Variants in CLEC16A observed in about 807,000 individuals in gnomAD.
The protein encoded by CLEC16A is protein CLEC16A.
In CLEC16A, 51 loss-of-function variants were observed where a neutral mutation model predicts 109.5. The ratio of observed to expected loss-of-function variants is 0.47; its 90% CI spans 0.37 to 0.59. The LOEUF is 0.59. Ranked by LOEUF, CLEC16A falls within the 20% of genes least tolerant of loss-of-function variation. The pLI is 0.00. For missense variants in CLEC16A, 1,339 were observed against 1,394.0 expected (o/e 0.96, Z 0.63); for synonymous variants, 673 against 564.2 (o/e 1.19, Z -2.73).
At chr16:11,173,902 A>G (rs1029454834) in intron 23 of CLEC16A, among the ~76,000 whole-genome samples, 7 of 152,182 alleles carry the variant, frequency 4.6e-5, no homozygotes, top group Admixed American at 3.3e-4. Context: ...GTTAAGTTGC[A>G]CGAGTGAACA....
At chr16:11,106,460 T>TA (rs2051228118) in intron 19 of CLEC16A, among the ~76,000 whole-genome samples, 1 of 150,514 alleles carries the variant, frequency 6.6e-6, no homozygotes, top group African/African-American at 2.5e-5. Flanking sequence ...AGCCCAATTT[T>TA]TTTTTTTTTT....
At chr16:11,113,188 T>C (rs1300843807) in intron 19 of CLEC16A, among the ~76,000 whole-genome samples, 4 of 152,220 alleles carry the variant, frequency 2.6e-5, no homozygotes, top group Non-Finnish European at 4.4e-5. Flanking sequence ...AGTGATTGTC[T>C]ATCATCTGCA....
At position 10,944,592 on chromosome 16, in the gene CLEC16A, G is replaced by A; in HGVS notation, c.-126G>A. On this transcript the variant is annotated 5_prime_UTR_variant, in exon 1 of 24. Transcript: ENST00000409790. ...GCTGGGCTGTGGGCCGGGGAGGAAG[G>A]CGGCTCGCGGTTCCTCCACCGCCTC... 1.1e-6 allele frequency: 1 copy of A among 900,410 alleles called. No individual in the cohort carries two copies. The highest frequency in any genetic ancestry group is 1.7e-6 in the Non-Finnish European group (1 of 593,224). 55.8% of individuals were successfully genotyped at this position (900,410 alleles called of 1,614,324 possible). A position where few individuals can be genotyped will look rare whatever the true frequency, so the allele number is the denominator to read the frequency against.
chr16:10,970,654 T>G (rs920197506), intron 4 of CLEC16A, among the ~76,000 whole-genome samples: 6 of 152,354 alleles, frequency 3.9e-5, no homozygotes, highest in African/African-American at 1.4e-4. Flanking sequence ...TCCCCCCTCC[T>G]TGGCCTCCCA....
At chr16:11,172,814 G>A (rs1192733787) in intron 23 of CLEC16A, among the ~76,000 whole-genome samples, 4 of 152,106 alleles carry the variant, frequency 2.6e-5, no homozygotes, top group African/African-American at 9.7e-5. Context: ...GCTTGAACCC[G>A]GGAGGCAGAG....
At chr16:11,022,690 G>A (rs1462949403) in intron 12 of CLEC16A, among the ~76,000 whole-genome samples, 1 of 152,038 alleles carries the variant, frequency 6.6e-6, no homozygotes, top group Non-Finnish European at 1.5e-5. Context: ...ATGAGGTCAG[G>A]AGATCGAGAC....
chr16:11,051,410 A>T, intron 17 of CLEC16A, 103 bp from the exon 18 acceptor site: 1 of 1,176,116 alleles, frequency 8.5e-7, no homozygotes, highest in Non-Finnish European at 1.2e-6. Context: ...ATTTACATTT[A>T]CTAAATGCGG....
At chr16:11,091,166 C>T (rs1451903165) in intron 19 of CLEC16A, among the ~76,000 whole-genome samples, 1 of 152,224 alleles carries the variant, frequency 6.6e-6, no homozygotes, top group Non-Finnish European at 1.5e-5. Context: ...AGTTTTCCCT[C>T]CTGTGTTTAT....
chr16:11,024,553 C>A, intron 12 of CLEC16A: 1 of 372,296 alleles, frequency 2.7e-6, no homozygotes, highest in Non-Finnish European at 5.1e-6. Flanking sequence ...TAATTGATTC[C>A]CTGTGTCTGG....
chr16:10,952,851 T>C (rs1307691534), intron 1 of CLEC16A, among the ~76,000 whole-genome samples: 2 of 152,240 alleles, frequency 1.3e-5, no homozygotes, highest in African/African-American at 4.8e-5. Flanking sequence ...AAATGTCGAC[T>C]ACCTAGCAGC....
intron 10 of CLEC16A, among the ~76,000 whole-genome samples, chr16:10,989,080 T>G (rs2043840422): frequency 6.6e-6 from 1 of 152,182 alleles, no homozygotes; most frequent in Non-Finnish European, 1.5e-5. Flanking sequence ...ACAGTGATGA[T>G]GAAACACCAA....
At chr16:11,104,579 A>G (rs975434650) in intron 19 of CLEC16A, among the ~76,000 whole-genome samples, 2 of 152,162 alleles carry the variant, frequency 1.3e-5, no homozygotes, top group Non-Finnish European at 2.9e-5. Context: ...AATCCAAGGG[A>G]AAGAGAAGAT....
At chr16:11,012,296 A>G (rs1444010632) in intron 11 of CLEC16A, among the ~76,000 whole-genome samples, 1 of 152,174 alleles carries the variant, frequency 6.6e-6, no homozygotes, top group Admixed American at 6.5e-5. Context: ...CTGTACATAC[A>G]CTTAAGAAAG....
chr16:11,056,439 G>A (rs1283553611), intron 18 of CLEC16A: 1 of 152,158 alleles, frequency 6.6e-6, no homozygotes, highest in Non-Finnish European at 1.5e-5. Context: ...GGTCTTTCAT[G>A]ATCTAAATCT....
At chr16:11,084,840 G>T (rs2049923820) in intron 19 of CLEC16A, among the ~76,000 whole-genome samples, 1 of 152,192 alleles carries the variant, frequency 6.6e-6, no homozygotes, top group Admixed American at 6.5e-5. Context: ...TGTGGAGAAA[G>T]AGGTAGCCGG....
chr16:10,974,921 G>A (rs1055503303), intron 7 of CLEC16A, among the ~76,000 whole-genome samples: 10 of 152,232 alleles, frequency 6.6e-5, no homozygotes, highest in Non-Finnish European at 1.3e-4. Flanking sequence ...GAAGAGTTCT[G>A]TCATAACAGG....
chr16:10,997,557 G>T (rs1310549237), intron 10 of CLEC16A, among the ~76,000 whole-genome samples: 1 of 152,160 alleles, frequency 6.6e-6, no homozygotes, highest in African/African-American at 2.4e-5. Context: ...TAAGTGTTCA[G>T]TTCAGTGGCA....
chr16:10,978,934 G>C (rs189012305), intron 8 of CLEC16A, among the ~76,000 whole-genome samples: 119 of 152,296 alleles, frequency 7.8e-4, no homozygotes, highest in African/African-American at 2.8e-3. Context: ...TCCAAGGCCA[G>C]AGTGCCCTAA....
At chr16:11,124,207 A>G (rs749239190) in intron 21 of CLEC16A, among the ~76,000 whole-genome samples, 10 of 152,006 alleles carry the variant, frequency 6.6e-5, no homozygotes, top group Non-Finnish European at 1.3e-4. Flanking sequence ...GTGTGGGACC[A>G]CTCTTCTCAG....
Sources: allele counts gnomAD v4.1 joint callset (sites outside exome capture counted in the v4.1 genomes callset), GRCh38; gene constraint gnomAD v4.1.1; transcripts MANE v1.5; gene names NCBI Gene and HGNC (gene_info 2026-07-23, HGNC 2026-07-21).